ATP10B: variants seen among roughly 807,000 people sequenced by gnomAD.
The protein encoded by ATP10B is phospholipid-transporting ATPase VB.
ATP10B carries 122 observed loss-of-function variants against 141.2 expected under a neutral mutation model. The observed-to-expected ratio is 0.86, with a 90% CI of 0.75 to 1.00. ATP10B has a LOEUF of 1.00. ATP10B is among the 50% of genes least tolerant of loss of function. The probability of loss-of-function intolerance (pLI) is 0.00; values close to 1 mark genes in which losing one functional copy is unlikely to be tolerated. For missense variants in ATP10B, 1,876 were observed against 1,825.3 expected (o/e 1.03, Z -0.51); for synonymous variants, 685 against 692.0 (o/e 0.99, Z 0.16).
intron 9 of ATP10B, among the ~76,000 whole-genome samples, chr5:160,641,943 C>T (rs962395439): frequency 3.3e-5 from 5 of 152,172 alleles, no homozygotes; most frequent in African/African-American, 1.2e-4. Flanking sequence ...CAGCAGTACT[C>T]CTGGGCCTGT....
At chr5:160,702,826 A>G (rs1482912473) in intron 3 of ATP10B, among the ~76,000 whole-genome samples, 1 of 152,204 alleles carries the variant, frequency 6.6e-6, no homozygotes, top group African/African-American at 2.4e-5. Context: ...AGGCTTTCCC[A>G]GTAGAACCAA....
In ATP10B at chr5:160,563,692, T is replaced by A. The variant is rs1317415222; in HGVS notation, c.*1761A>T. The A allele has an allele frequency of 6.6e-6, 1 of 152,162 alleles. No individual in the cohort carries two copies. Among genetic ancestry groups the A allele is most frequent in the Non-Finnish European group, 1.5e-5 (1 of 68,016 alleles). The allele number at this position is 152,162 out of a possible 1,614,324, so 9.4% of individuals were successfully genotyped here. A position where few individuals can be genotyped will look rare whatever the true frequency, so the allele number is the denominator to read the frequency against. Reference sequence around the variant, plus strand: ...CCACCTGCATCCTAGAGAGCAAGGATTCAAACTCAGATCTCCTGAGGCCAC... The same window carrying A: ...CCACCTGCATCCTAGAGAGCAAGGAATCAAACTCAGATCTCCTGAGGCCAC... On this transcript the variant is annotated 3_prime_UTR_variant, in exon 26 of 26. Coordinates refer to ENST00000327245, the MANE Select transcript of ATP10B (RefSeq NM_025153.3).
chr5:160,673,091 C>A (rs1174568333), intron 6 of ATP10B, among the ~76,000 whole-genome samples: 1 of 152,224 alleles, frequency 6.6e-6, no homozygotes, highest in African/African-American at 2.4e-5. Flanking sequence ...GAGCTCAGTG[C>A]AGCAGACACG....
intron 1 of ATP10B, among the ~76,000 whole-genome samples, chr5:160,789,925 G>A (rs1327529596): frequency 6.6e-6 from 1 of 152,172 alleles, no homozygotes; most frequent in African/African-American, 2.4e-5. Flanking sequence ...TGCAAATACT[G>A]TATATGTTTG....
At chr5:160,572,297 A>G (rs1754928255) in intron 24 of ATP10B, among the ~76,000 whole-genome samples, 1 of 152,152 alleles carries the variant, frequency 6.6e-6, no homozygotes, top group African/African-American at 2.4e-5. Flanking sequence ...CAATTAGCTA[A>G]CTTTTTCAAT....
rs1754434436 is a variant in ATP10B at position 160,564,740 on chromosome 5, A to G, written c.*713T>C. On this transcript the variant is annotated 3_prime_UTR_variant, in exon 26 of 26. Transcript: ENST00000327245. ...TGGTGGGACATATGGTCTGTCAGCC[A>G]AAACAGGGGTCTCTGGTGCACCCGT... is the stretch of plus-strand genomic sequence containing the variant. 6.6e-6 allele frequency: 1 copy of G among 152,216 alleles called. No homozygotes were observed. The highest frequency in any genetic ancestry group is 2.4e-5 in the African/African-American group (1 of 41,456). 9.4% of individuals were successfully genotyped at this position (152,216 alleles called of 1,614,324 possible). A position where few individuals can be genotyped will look rare whatever the true frequency, so the allele number is the denominator to read the frequency against.
At chr5:160,708,298 A>G (rs1238001873) in intron 3 of ATP10B, among the ~76,000 whole-genome samples, 1 of 152,178 alleles carries the variant, frequency 6.6e-6, no homozygotes, top group African/African-American at 2.4e-5. Context: ...TAACACGTGC[A>G]GGTAGCTACA....
intron 3 of ATP10B, among the ~76,000 whole-genome samples, chr5:160,707,812 G>A (rs576694350): frequency 3.3e-5 from 5 of 152,136 alleles, no homozygotes; most frequent in Non-Finnish European, 4.4e-5. Flanking sequence ...CACAGGCTTC[G>A]GCATTTAAGT....
Position 160,606,766 on chromosome 5 carries a change from T to C in ATP10B, c.3159A>G (p.Ile1053Met). Residue 1053 changes from isoleucine to methionine, a missense_variant and splice_region_variant, in exon 19 of 26, where the codon ATA becomes ATG. By Grantham distance (10) the Ile-to-Met change is conservative (BLOSUM62 1). Coordinates refer to ENST00000327245, the MANE Select transcript of ATP10B (RefSeq NM_025153.3). ...CCCGCATCTCAGTATGATGGGTACC[T>C]ATGGAAAGGGTCATGACGCGCAACT... ...RDKLRVMTLS[I>M]GDGANDVSMI... 6.2e-7 allele frequency: 1 copy of C among 1,611,672 alleles called. No homozygotes were observed.
intron 3 of ATP10B, among the ~76,000 whole-genome samples, chr5:160,692,363 A>G (rs963218590): frequency 6.6e-6 from 1 of 152,182 alleles, no homozygotes; most frequent in Admixed American, 6.5e-5. Context: ...ACCACCTTAC[A>G]ACAGAGATCA....
chr5:160,898,483 A>T, the ATP10B span, among the ~76,000 whole-genome samples: 3 of 152,230 alleles, frequency 2.0e-5, no homozygotes, highest in African/African-American at 7.2e-5. Flanking sequence ...ATCATTAAAA[A>T]GTCAGGAAAC....
intron 1 of ATP10B, among the ~76,000 whole-genome samples, chr5:160,842,255 T>C (rs1775853860): frequency 6.6e-6 from 1 of 152,024 alleles, no homozygotes; most frequent in African/African-American, 2.4e-5. Context: ...TAAATCAAAA[T>C]GGAAGTTTCT....
At chr5:160,868,296 C>G in the ATP10B span, among the ~76,000 whole-genome samples, 1 of 152,058 alleles carries the variant, frequency 6.6e-6, no homozygotes, top group Non-Finnish European at 1.5e-5. Flanking sequence ...TGGTTATTAT[C>G]TCAGAGAAAA....
chr5:160,579,598 C>A (rs1366083808), intron 24 of ATP10B, among the ~76,000 whole-genome samples: 1 of 152,094 alleles, frequency 6.6e-6, no homozygotes, highest in African/African-American at 2.4e-5. Flanking sequence ...AGTCAAGCAG[C>A]ATGAGGCCTC....
chr5:160,667,897 T>C (rs1352262782), intron 7 of ATP10B, among the ~76,000 whole-genome samples: 1 of 152,002 alleles, frequency 6.6e-6, no homozygotes, highest in Non-Finnish European at 1.5e-5. Context: ...AGGGGAGATT[T>C]ATAAGTTTTA....
At chr5:160,743,266 A>T (rs1767596731) in intron 2 of ATP10B, among the ~76,000 whole-genome samples, 1 of 152,192 alleles carries the variant, frequency 6.6e-6, no homozygotes, top group East Asian at 1.9e-4. Flanking sequence ...CTCTTAACCC[A>T]CATGCTTACA....
intron 1 of ATP10B, among the ~76,000 whole-genome samples, chr5:160,840,806 T>A (rs1036257323): frequency 1.3e-5 from 2 of 152,100 alleles, no homozygotes; most frequent in Non-Finnish European, 2.9e-5. Context: ...AGAGAGGCAA[T>A]TTATAAAATA....
chr5:160,874,807 A>C, the ATP10B span, among the ~76,000 whole-genome samples: 2 of 150,208 alleles, frequency 1.3e-5, no homozygotes, highest in African/African-American at 4.9e-5. Flanking sequence ...AAATGAATGA[A>C]ATGAAGTGAG....
chr5:160,844,497 A>G (rs113370386), intron 1 of ATP10B, among the ~76,000 whole-genome samples: 17 of 152,224 alleles, frequency 1.1e-4, no homozygotes, highest in African/African-American at 3.9e-4. Flanking sequence ...AAAGAAATAC[A>G]TAATAGTTCT....
Sources: gnomAD v4.1 joint callset for allele counts (sites outside exome capture counted in the v4.1 genomes callset) on GRCh38, gnomAD v4.1.1 for gene constraint, MANE v1.5 for transcripts, NCBI Gene and HGNC (gene_info 2026-07-23, HGNC 2026-07-21) for gene names.